Variants in SUGCT observed in about 807,000 individuals in gnomAD.
SUGCT encodes the protein succinyl-CoA:glutarate CoA-transferase.
In SUGCT, 41 loss-of-function variants were observed where a neutral mutation model predicts 55.0. The ratio of observed to expected loss-of-function variants is 0.74; its 90% CI spans 0.58 to 0.97. The LOEUF (loss-of-function observed/expected upper bound fraction) is 0.97, where lower values mean the gene tolerates loss of function less well. SUGCT is among the 50% of genes least tolerant of loss of function. The probability of loss-of-function intolerance (pLI) is 0.00; values close to 1 mark genes in which losing one functional copy is unlikely to be tolerated. For missense variants in SUGCT, 568 were observed against 547.8 expected (o/e 1.04, Z -0.37); for synonymous variants, 187 against 200.4 (o/e 0.93, Z 0.56).
intron 11 of SUGCT, among the ~76,000 whole-genome samples, chr7:40,460,455 C>G (rs1323188619): frequency 6.6e-6 from 1 of 152,156 alleles, no homozygotes; most frequent in Non-Finnish European, 1.5e-5. Context: ...TTCTTTTTGC[C>G]TCTCTGCCTC....
intron 1 of SUGCT, among the ~76,000 whole-genome samples, chr7:40,146,850 A>G (rs971842132): frequency 2.6e-5 from 4 of 152,212 alleles, no homozygotes; most frequent in Admixed American, 6.5e-5. Flanking sequence ...GGAGTGTTAT[A>G]GGGTCACAGA....
chr7:40,674,031 C>T (rs767287514), intron 12 of SUGCT, among the ~76,000 whole-genome samples: 6 of 152,118 alleles, frequency 3.9e-5, no homozygotes, highest in Non-Finnish European at 8.8e-5. Context: ...CTTTTAAAAG[C>T]TCTGTTAAAA....
At chr7:41,029,251 G>A in the SUGCT span, among the ~76,000 whole-genome samples, 1 of 152,198 alleles carries the variant, frequency 6.6e-6, no homozygotes, top group African/African-American at 2.4e-5. Flanking sequence ...TACAAGGTGA[G>A]TGCTGCTTGT....
intron 13 of SUGCT, among the ~76,000 whole-genome samples, chr7:40,779,952 G>A (rs1299233509): frequency 2.6e-5 from 4 of 152,144 alleles, no homozygotes; most frequent in African/African-American, 9.7e-5. Flanking sequence ...GCTCTGTAAG[G>A]TACAGTGCTG....
chr7:40,938,352 A>G, the SUGCT span, among the ~76,000 whole-genome samples: 5 of 147,806 alleles, frequency 3.4e-5, no homozygotes, highest in Non-Finnish European at 6.0e-5. Flanking sequence ...ATTTTCTAGT[A>G]TATCATTTTA....
intron 9 of SUGCT, among the ~76,000 whole-genome samples, chr7:40,413,530 A>AT (rs1786806854): frequency 1.3e-5 from 2 of 152,222 alleles, no homozygotes; most frequent in African/African-American, 4.8e-5. Flanking sequence ...TTGGGCAGGA[A>AT]TGTACATTTT....
At chr7:40,279,167 G>A (rs1175219873) in intron 8 of SUGCT, among the ~76,000 whole-genome samples, 7 of 151,826 alleles carry the variant, frequency 4.6e-5, no homozygotes, top group Non-Finnish European at 8.8e-5. Flanking sequence ...TTCTTATACC[G>A]TATTATTCCA....
chr7:40,643,875 T>A (rs1013192404), intron 12 of SUGCT, among the ~76,000 whole-genome samples: 1 of 152,186 alleles, frequency 6.6e-6, no homozygotes, highest in African/African-American at 2.4e-5. Context: ...AGTAGCTGAC[T>A]TTCTATGGCT....
At chr7:40,834,420 G>A (rs1440875960) in intron 13 of SUGCT, among the ~76,000 whole-genome samples, 1 of 152,120 alleles carries the variant, frequency 6.6e-6, no homozygotes, top group Non-Finnish European at 1.5e-5. Context: ...AAAGTAGACT[G>A]GTTATAAATA....
rs140313583 is a variant in SUGCT at position 40,146,626 on chromosome 7, T to C, written c.100+11506T>C. ...ATGTCCTTAAGGCACAGATCGCTCATGCTATTGTTTGTGGTTTAAGAACGC... is the reference window on the plus strand; with the variant it reads ...ATGTCCTTAAGGCACAGATCGCTCACGCTATTGTTTGTGGTTTAAGAACGC... On this transcript the variant is annotated intron_variant, in intron 1 of 13. Transcript: ENST00000335693. Among the ~76,000 whole-genome samples, 27 of 152,380 alleles carry C rather than the reference T, an allele frequency of 1.8e-4. No homozygotes were observed. In the East Asian group the frequency reaches 4.4e-3, roughly 25 times the overall value.
the SUGCT span, among the ~76,000 whole-genome samples, chr7:41,006,398 C>A: frequency 6.6e-6 from 1 of 152,200 alleles, no homozygotes; most frequent in South Asian, 2.1e-4. Flanking sequence ...GGGCTGCATG[C>A]TCTCATTCTC....
intron 9 of SUGCT, among the ~76,000 whole-genome samples, chr7:40,352,757 G>A (rs1797700271): frequency 6.6e-6 from 1 of 152,078 alleles, no homozygotes; most frequent in South Asian, 2.1e-4. Flanking sequence ...GTGTCTTTAT[G>A]GTAGAATGAC....
chr7:40,279,029 G>T (rs1016221584), intron 8 of SUGCT, among the ~76,000 whole-genome samples: 2 of 149,948 alleles, frequency 1.3e-5, no homozygotes, highest in South Asian at 2.1e-4. Flanking sequence ...AGATGGGGGG[G>T]TCTGACTGTG....
At chr7:40,989,534 A>G in the SUGCT span, among the ~76,000 whole-genome samples, 1 of 151,988 alleles carries the variant, frequency 6.6e-6, no homozygotes, top group African/African-American at 2.4e-5. Flanking sequence ...TGGGAGGCCA[A>G]TGTGAGCTGA....
At chr7:40,811,661 C>A (rs1007820117) in intron 13 of SUGCT, among the ~76,000 whole-genome samples, 1 of 151,868 alleles carries the variant, frequency 6.6e-6, no homozygotes. Context: ...GTTTCAGGAG[C>A]CTGTGATGGA....
At chr7:41,021,487 A>G in the SUGCT span, among the ~76,000 whole-genome samples, 2 of 152,174 alleles carry the variant, frequency 1.3e-5, no homozygotes, top group Non-Finnish European at 2.9e-5. Flanking sequence ...CTTACTTTCT[A>G]TGCAAGAAAT....
At chr7:40,184,284 A>G (rs942713209) in intron 3 of SUGCT, among the ~76,000 whole-genome samples, 14 of 151,660 alleles carry the variant, frequency 9.2e-5, no homozygotes, top group Admixed American at 9.2e-4. Context: ...AGCTTGTTTT[A>G]TTTTATTTTT....
the SUGCT span, among the ~76,000 whole-genome samples, chr7:40,886,173 G>C: frequency 6.0e-4 from 91 of 152,270 alleles, 1 homozygote; most frequent in East Asian, 1.5e-3. Flanking sequence ...AGAACAGATT[G>C]GGTTTGAATT....
At chr7:40,878,684 A>G in the SUGCT span, among the ~76,000 whole-genome samples, 2 of 152,132 alleles carry the variant, frequency 1.3e-5, no homozygotes, top group African/African-American at 4.8e-5. Flanking sequence ...AATGTGGTAA[A>G]GTTCTCGGCT....
Sources: gnomAD v4.1 joint callset for allele counts (sites outside exome capture counted in the v4.1 genomes callset) on GRCh38, gnomAD v4.1.1 for gene constraint, MANE v1.5 for transcripts, NCBI Gene and HGNC (gene_info 2026-07-23, HGNC 2026-07-21) for gene names.